Variants in TBXAS1 observed in about 807,000 individuals in gnomAD.
TBXAS1 encodes the protein thromboxane A synthase 1, also known as thromboxane-A synthase.
In TBXAS1, 48 loss-of-function variants were observed where a neutral mutation model predicts 60.7. That is an observed-to-expected ratio of 0.79 (90% CI 0.63 to 1.01). TBXAS1 has a LOEUF of 1.01. TBXAS1 is among the 50% of genes least tolerant of loss of function. The pLI is 0.00. For missense variants in TBXAS1, 685 were observed against 686.3 expected (o/e 1.00, Z 0.02); for synonymous variants, 287 against 269.7 (o/e 1.06, Z -0.63).
chr7:139,903,772 G>A (rs536639924), intron 3 of TBXAS1, among the ~76,000 whole-genome samples: 15 of 151,810 alleles, frequency 9.9e-5, no homozygotes, highest in African/African-American at 3.6e-4. Flanking sequence ...GTCTATTCAG[G>A]TCCTTAGCCC....
chr7:139,874,153 CA>C (rs1236751953), intron 2 of TBXAS1, among the ~76,000 whole-genome samples: 1 of 152,138 alleles, frequency 6.6e-6, no homozygotes, highest in Non-Finnish European at 1.5e-5. Context: ...GTGGGCGGTT[CA>C]CAACTTTTAA....
intron 9 of TBXAS1, among the ~76,000 whole-genome samples, chr7:139,995,107 C>T (rs1313003049): frequency 6.6e-6 from 1 of 152,102 alleles, no homozygotes; most frequent in Non-Finnish European, 1.5e-5. Context: ...CTGGGCTTTA[C>T]AAACACATCT....
intron 3 of TBXAS1, among the ~76,000 whole-genome samples, chr7:139,881,399 A>G (rs576309827): frequency 6.6e-6 from 1 of 152,222 alleles, no homozygotes; most frequent in Non-Finnish European, 1.5e-5. Flanking sequence ...TAAAATATAG[A>G]ATGTTTGATA....
intron 4 of TBXAS1, among the ~76,000 whole-genome samples, chr7:139,813,786 G>T (rs1798082566): frequency 6.6e-6 from 1 of 152,152 alleles, no homozygotes; most frequent in Non-Finnish European, 1.5e-5. Context: ...CAATGTGTAT[G>T]TATCTTTTTC....
intron 9 of TBXAS1, among the ~76,000 whole-genome samples, chr7:139,969,898 A>G (rs1365866844): frequency 6.6e-6 from 1 of 152,256 alleles, no homozygotes; most frequent in African/African-American, 2.4e-5. Context: ...GAGGCAAAAC[A>G]GAGAACGCCT....
chr7:139,872,661 T>A lies in TBXAS1; in HGVS notation c.183+333T>A, dbSNP rs140554409. Among the ~76,000 whole-genome samples, 32 of 152,072 alleles carry A rather than the reference T, an allele frequency of 2.1e-4. 1 individual carries two copies. The highest frequency in any genetic ancestry group is 6.3e-4 in the African/African-American group (26 of 41,486). On this transcript the variant is annotated intron_variant, in intron 2 of 12. Transcript: ENST00000448866. ...AAGAGCAAAAATCTGTCTCAAAAAA[T>A]AAAATAAAATGAAATAAAATAAAGT...
intron 4 of TBXAS1, among the ~76,000 whole-genome samples, chr7:139,917,165 A>G (rs1168234001): frequency 6.6e-6 from 1 of 152,202 alleles, no homozygotes; most frequent in Non-Finnish European, 1.5e-5. Context: ...TACAGCTCTG[A>G]GCAAGGGAGA....
rs1274181886 is a variant in TBXAS1 at position 139,951,771 on chromosome 7, TAAAA to T, written c.451-1585_451-1582del. Among the ~76,000 whole-genome samples, 99 of 78,904 alleles carry T rather than the reference TAAAA, an allele frequency of 1.3e-3. 9 individuals carry two copies. Among genetic ancestry groups the T allele is most frequent in the Non-Finnish European group, 2.1e-3 (87 of 41,338 alleles). 51.8% of individuals were successfully genotyped at this position (78,904 alleles called of 152,430 possible). A position where few individuals can be genotyped will look rare whatever the true frequency, so the allele number is the denominator to read the frequency against. ...CTGGGCAACAAAGCAAGACTCTGTC[TAAAA>T]AAAAAAAAAAAGAAAGAAAGAAAGA... is the stretch of plus-strand genomic sequence containing the variant. On this transcript the variant is annotated intron_variant, in intron 5 of 12. Transcript: ENST00000448866.
Position 139,921,219 on chromosome 7 carries a change from C to A in TBXAS1, c.333+9898C>A, listed in dbSNP as rs138074466. On this transcript the variant is annotated intron_variant, in intron 4 of 12. Transcript: ENST00000448866. ...CATTTCCAACACTCCAGAGGGTTCC[C>A]TCATGCCTCTTCTCAGTCAACCCAT... Among the ~76,000 whole-genome samples, 924 of 152,306 alleles carry A rather than the reference C, an allele frequency of 6.1e-3. 2 individuals carry two copies. The highest frequency in any genetic ancestry group is 9.7e-3 in the Non-Finnish European group (657 of 68,024).
In TBXAS1 at chr7:139,925,124, G is replaced by A. The variant is rs186109891; in HGVS notation, c.334-11067G>A. ...AGTTTTGTTCATTTTGCTCAGGATG[G>A]CTTTGGCTATTTTGGGTCTTTTGTG... On this transcript the variant is annotated intron_variant, in intron 4 of 12. Transcript: ENST00000448866. Among the ~76,000 whole-genome samples, 664 of 152,240 alleles carry A rather than the reference G, an allele frequency of 4.4e-3. 6 individuals are homozygous for A. The highest frequency in any genetic ancestry group is 0.015 in the African/African-American group (624 of 41,532).
chr7:139,976,893 T>A (rs1811601109), intron 9 of TBXAS1, among the ~76,000 whole-genome samples: 1 of 152,208 alleles, frequency 6.6e-6, no homozygotes, highest in Non-Finnish European at 1.5e-5. Context: ...TGTTTGCTTT[T>A]TAGAAAAGTC....
chr7:139,931,529 G>A (rs1234252868), intron 4 of TBXAS1, among the ~76,000 whole-genome samples: 5 of 152,304 alleles, frequency 3.3e-5, no homozygotes, highest in East Asian at 3.9e-4. Context: ...ACAGTTCCAC[G>A]TGGCTGGGGA....
intron 5 of TBXAS1, among the ~76,000 whole-genome samples, chr7:139,952,282 C>A (rs1295709036): frequency 3.4e-4 from 51 of 152,154 alleles, no homozygotes; most frequent in Non-Finnish European, 1.0e-4. Context: ...CAGTACGATG[C>A]CATGATTCGT....
intron 9 of TBXAS1, among the ~76,000 whole-genome samples, chr7:139,965,282 C>T (rs1177736095): frequency 2.0e-5 from 3 of 151,992 alleles, no homozygotes; most frequent in Non-Finnish European, 4.4e-5. Context: ...ACTGAGACCC[C>T]TTGGTCAAAT....
intron 9 of TBXAS1, among the ~76,000 whole-genome samples, chr7:139,983,652 A>T (rs1585003041): frequency 6.6e-6 from 1 of 152,188 alleles, no homozygotes; most frequent in South Asian, 2.1e-4. Context: ...TTCAAACAAC[A>T]TACAGAACTT....
intron 9 of TBXAS1, among the ~76,000 whole-genome samples, chr7:139,990,517 A>G (rs1585018310): frequency 1.3e-5 from 2 of 151,646 alleles, no homozygotes; most frequent in Admixed American, 6.6e-5. Flanking sequence ...GGGCACGGGA[A>G]CCCTCCTGTC....
intron 4 of TBXAS1, among the ~76,000 whole-genome samples, chr7:139,796,439 C>T (rs1797573880): frequency 1.3e-5 from 2 of 152,178 alleles, no homozygotes; most frequent in African/African-American, 4.8e-5. Flanking sequence ...ATAGGCAAGA[C>T]TATGGAGACA....
chr7:139,938,777 G>T (rs1272609769), intron 5 of TBXAS1, among the ~76,000 whole-genome samples: 1 of 152,170 alleles, frequency 6.6e-6, no homozygotes, highest in Non-Finnish European at 1.5e-5. Context: ...GTGTGAAAAA[G>T]AAATTGGTAA....
At chr7:139,931,050 CACACAT>C (rs903657008) in intron 4 of TBXAS1, among the ~76,000 whole-genome samples, 1 of 152,064 alleles carries the variant, frequency 6.6e-6, no homozygotes, top group African/African-American at 2.4e-5. Flanking sequence ...AATACACACA[CACACAT>C]ACACACATAC....
Sources: allele counts gnomAD v4.1 joint callset (sites outside exome capture counted in the v4.1 genomes callset), GRCh38; gene constraint gnomAD v4.1.1; transcripts MANE v1.5; gene names NCBI Gene and HGNC (gene_info 2026-07-23, HGNC 2026-07-21).